The following HIGD1C variants were observed in gnomAD, a reference collection of about 807,000 sequenced individuals.
HIGD1C encodes HIG1 hypoxia inducible domain family member 1C.
In HIGD1C, 11 loss-of-function variants were observed where a neutral mutation model predicts 13.1. The ratio of observed to expected loss-of-function variants is 0.84; its 90% CI spans 0.53 to 1.39. HIGD1C has a LOEUF of 1.39. Ranked by LOEUF, HIGD1C falls within the 40% of genes most tolerant of loss-of-function variation. The probability of loss-of-function intolerance (pLI) is 0.00; values close to 1 mark genes in which losing one functional copy is unlikely to be tolerated. For missense variants in HIGD1C, 110 were observed against 112.0 expected, an observed-to-expected ratio of 0.98 and a Z score of 0.08; for synonymous variants, 36 against 37.7, an observed-to-expected ratio of 0.95 and a Z score of 0.17.
rs1260495594 is a variant in HIGD1C, at chr12:50,957,845, A to G, written c.95-3123A>G. Among the ~76,000 whole-genome samples the G allele has an allele frequency of 2.6e-5, 4 of 151,998 alleles. No homozygotes were observed. In the East Asian group the frequency reaches 7.8e-4, roughly 30 times the overall value. On this transcript the variant is annotated intron_variant, in intron 1 of 2. Coordinates refer to ENST00000398455, the Ensembl canonical transcript of HIGD1C. The stretch of plus-strand genomic sequence containing the variant: ...GGTTGCAGTGAGCCGAGATCATGCC[A>G]CTGCACTCCAGCCTTGGGCAACAGA...
chr12:50,945,240 C>T, the HIGD1C span, among the ~76,000 whole-genome samples: 5 of 152,094 alleles, frequency 3.3e-5, no homozygotes, highest in South Asian at 2.1e-4. Context: ...CCAGGGCAAT[C>T]AGGCAGGAGA....
the HIGD1C span, among the ~76,000 whole-genome samples, chr12:50,938,987 A>G: frequency 6.6e-6 from 1 of 152,186 alleles, no homozygotes; most frequent in Non-Finnish European, 1.5e-5. Context: ...TTCCTGGGGT[A>G]CAAAGAAGTG....
chr12:50,971,412 T>G (rs1295499289), downstream of HIGD1C, among the ~76,000 whole-genome samples: 2 of 152,260 alleles, frequency 1.3e-5, no homozygotes, highest in Non-Finnish European at 2.9e-5. Flanking sequence ...ATTATTTGTT[T>G]ATTCATTTTT....
chr12:50,950,670 A>ATTTTTTTTTTT, upstream of HIGD1C, among the ~76,000 whole-genome samples: 1 of 87,672 alleles, frequency 1.1e-5, no homozygotes, highest in Non-Finnish European at 2.1e-5. Context: ...TGCCCAGCTA[A>ATTTTTTTTTTT]TTTTTTTTTT....
upstream of HIGD1C, among the ~76,000 whole-genome samples, chr12:50,953,360 A>C (rs1938969234): frequency 6.6e-6 from 1 of 152,210 alleles, no homozygotes; most frequent in Admixed American, 6.5e-5. Flanking sequence ...CTGCACAGGG[A>C]ACAGACTCAG....
intron 1 of HIGD1C, among the ~76,000 whole-genome samples, chr12:50,957,568 A>C (rs1027235937): frequency 2.0e-5 from 3 of 151,904 alleles, no homozygotes; most frequent in African/African-American, 7.3e-5. Context: ...TACTAACAAG[A>C]AGCATCTGGA....
the HIGD1C span, among the ~76,000 whole-genome samples, chr12:50,934,780 G>A: frequency 8.8e-3 from 1,340 of 152,304 alleles, 20 homozygotes; most frequent in African/African-American, 0.031. Flanking sequence ...AAAGAAACCA[G>A]ACAGGGCTGG....
At chr12:50,953,165 G>A (rs1029582423), upstream of HIGD1C, among the ~76,000 whole-genome samples, 1 of 152,146 alleles carries the variant, frequency 6.6e-6, no homozygotes, top group Non-Finnish European at 1.5e-5. Flanking sequence ...ATTGCACATC[G>A]TGTCCTGGCC....
the HIGD1C span, among the ~76,000 whole-genome samples, chr12:50,934,416 A>G: frequency 6.6e-6 from 1 of 152,210 alleles, no homozygotes; most frequent in African/African-American, 2.4e-5. Context: ...CTGAGGAGTA[A>G]ATGAAGCAAT....
chr12:50,964,582 C>T (rs12823317), intron 2 of HIGD1C, among the ~76,000 whole-genome samples: 1 of 151,946 alleles, frequency 6.6e-6, no homozygotes, highest in East Asian at 1.9e-4. Flanking sequence ...TTATGACATA[C>T]GGCTGGAGAG....
chr12:50,936,763 G>A, the HIGD1C span, among the ~76,000 whole-genome samples: 1 of 152,228 alleles, frequency 6.6e-6, no homozygotes, highest in Non-Finnish European at 1.5e-5. Flanking sequence ...AAAATCACCT[G>A]TGTGAAGATT....
In HIGD1C at chr12:50,968,401, G is replaced by C. The variant is rs140003974; in HGVS notation, c.230-2041G>C. ...ACTGATTCTTTTTTTGTGTGTGTGT[G>C]GGGGGAGACAGGGTCTTGCTCTGTC... On this transcript the variant is annotated intron_variant, in intron 2 of 2. Coordinates refer to ENST00000398455, the Ensembl canonical transcript of HIGD1C. 4.0e-5 allele frequency among the ~76,000 whole-genome samples: 6 copies of C among 151,398 alleles called. No individual in the cohort carries two copies. The South Asian group carries it at 6.3e-4, about 16-fold the overall frequency.
the HIGD1C span, among the ~76,000 whole-genome samples, chr12:50,940,338 A>G: frequency 1.3e-5 from 2 of 152,214 alleles, no homozygotes; most frequent in African/African-American, 2.4e-5. Context: ...ATGGGAACAG[A>G]TTACTAAATC....
chr12:50,959,949 C>T (rs938611091), intron 1 of HIGD1C, among the ~76,000 whole-genome samples: 2 of 152,158 alleles, frequency 1.3e-5, no homozygotes, highest in Non-Finnish European at 2.9e-5. Flanking sequence ...TGCACCTGGC[C>T]CAGTATCTGT....
chr12:50,958,861 A>C (rs1337031492), intron 1 of HIGD1C, among the ~76,000 whole-genome samples: 1 of 151,490 alleles, frequency 6.6e-6, no homozygotes, highest in Non-Finnish European at 1.5e-5. Context: ...TACTAAAAAT[A>C]CAAAAGTTGG....
At chr12:50,961,203 G>A in intron 2 of HIGD1C, 101 bp downstream of exon 4, 2 of 1,237,298 alleles carry the variant, frequency 1.6e-6, no homozygotes, top group Non-Finnish European at 1.1e-6. Flanking sequence ...TCACAATGAT[G>A]TAATGAGAGA....
the HIGD1C span, chr12:50,931,654 T>G: frequency 7.3e-6 from 1 of 137,638 alleles, no homozygotes; most frequent in African/African-American, 2.8e-5. Context: ...AAGGTTGCAG[T>G]GAACCGAGAT....
chr12:50,932,191 T>C, the HIGD1C span: 1 of 152,218 alleles, frequency 6.6e-6, no homozygotes, highest in Non-Finnish European at 1.5e-5. Context: ...CTTGAATAAT[T>C]AGGTATCCTA....
the HIGD1C span, chr12:50,932,612 C>A: frequency 7.2e-5 from 11 of 152,036 alleles, no homozygotes; most frequent in Non-Finnish European, 1.2e-4. Flanking sequence ...GTAAATTTTT[C>A]TTTCTACAGC....
Sources: gnomAD v4.1 joint callset for allele counts (sites outside exome capture counted in the v4.1 genomes callset) on GRCh38, gnomAD v4.1.1 for gene constraint, MANE v1.5 for transcripts, NCBI Gene and HGNC (gene_info 2026-07-23, HGNC 2026-07-21) for gene names.